CIAO2A: variants seen among roughly 807,000 people sequenced by gnomAD.
The protein encoded by CIAO2A is MIP18 family protein FAM96A.
A neutral mutation model predicts 22.4 loss-of-function variants in CIAO2A; 17 were observed. The ratio of observed to expected loss-of-function variants is 0.76; its 90% CI spans 0.52 to 1.14. The LOEUF is 1.14. Among genes scored for constraint, CIAO2A ranks in the 50% most tolerant of loss-of-function variants. The pLI, the probability that CIAO2A is intolerant of heterozygous loss-of-function variation, is 0.00. For synonymous variants in CIAO2A, 74 were observed against 72.3 expected (o/e 1.02, Z -0.12); for missense variants, 192 against 191.4 (o/e 1.00, Z -0.02).
chr15:64,088,881 A>T, intron 1 of CIAO2A, 30 bp from the exon 2 acceptor site: 1 of 1,581,422 alleles, frequency 6.3e-7, no homozygotes, highest in Non-Finnish European at 8.6e-7. Flanking sequence ...AAGATATTCT[A>T]TTAAAACATG....
At chr15:64,078,807 A>G (rs2080739740) in intron 3 of CIAO2A, among the ~76,000 whole-genome samples, 1 of 152,182 alleles carries the variant, frequency 6.6e-6, no homozygotes, top group South Asian at 2.1e-4. Flanking sequence ...ACTTTGGGAA[A>G]CCAAGGCGGG....
intron 1 of CIAO2A, among the ~76,000 whole-genome samples, chr15:64,092,063 CAAA>C (rs35475525): frequency 2.8e-4 from 18 of 63,708 alleles, no homozygotes; most frequent in Admixed American, 5.5e-4. Context: ...GACCCTGTCT[CAAA>C]AAAAAAAAAA....
intron 4 of CIAO2A, among the ~76,000 whole-genome samples, chr15:64,073,357 T>C (rs1167940579): frequency 6.6e-6 from 1 of 152,238 alleles, no homozygotes; most frequent in Non-Finnish European, 1.5e-5. Context: ...TACAGGGTTA[T>C]TTAACATGGT....
intron 2 of CIAO2A, among the ~76,000 whole-genome samples, chr15:64,083,827 C>A (rs2080774045): frequency 6.6e-6 from 1 of 151,938 alleles, no homozygotes; most frequent in South Asian, 2.1e-4. Context: ...GCCTATGATC[C>A]CAGCTACTTG....
At position 64,075,939 on chromosome 15, in the gene CIAO2A, G is replaced by A. The variant is rs9921040; in HGVS notation, c.340-402C>T. 7.5e-4 allele frequency among the ~76,000 whole-genome samples: 113 copies of A among 151,420 alleles called. 1 individual carries two copies. Among genetic ancestry groups the A allele is most frequent in the African/African-American group, 2.4e-3 (101 of 41,340 alleles). On this transcript the variant is annotated intron_variant, in intron 3 of 4. Coordinates refer to ENST00000300030, the MANE Select transcript of CIAO2A (RefSeq NM_032231.7). Reference sequence around the variant, plus strand: ...TTCCCAAAGTGTTGGGATTACAGGCGTGAGCCACTGCGCCCAGCGCCCCCC... The same window carrying A: ...TTCCCAAAGTGTTGGGATTACAGGCATGAGCCACTGCGCCCAGCGCCCCCC...
chr15:64,081,208 G>C, intron 2 of CIAO2A, 57 bp from the exon 3 acceptor site: 2 of 1,539,672 alleles, frequency 1.3e-6, no homozygotes, highest in Non-Finnish European at 1.8e-6. Context: ...ATTGGTTCTT[G>C]AAAAAGCATA....
intron 2 of CIAO2A, among the ~76,000 whole-genome samples, chr15:64,084,434 C>T (rs1048575391): frequency 3.9e-5 from 6 of 152,030 alleles, no homozygotes; most frequent in Non-Finnish European, 8.8e-5. Flanking sequence ...AATTATTCCA[C>T]GTATAGGAAT....
chr15:64,075,193 G>T, intron 4 of CIAO2A: 1 of 211,336 alleles, frequency 4.7e-6, no homozygotes, highest in Non-Finnish European at 9.3e-6. Flanking sequence ...TGTCACCAAA[G>T]AAAAGAAGCC....
At chr15:64,088,588 T>C (rs1004522467) in intron 2 of CIAO2A, 99 bp downstream of exon 2, 12 of 960,936 alleles carry the variant, frequency 1.2e-5, no homozygotes, top group African/African-American at 5.0e-5. Flanking sequence ...ATACACTGTA[T>C]GGTTTTTCAA....
At chr15:64,085,493 C>A (rs986176994) in intron 2 of CIAO2A, among the ~76,000 whole-genome samples, 1 of 152,020 alleles carries the variant, frequency 6.6e-6, no homozygotes, top group Admixed American at 6.6e-5. Context: ...CAGAGTGAGA[C>A]CCTGTCTCAA....
chr15:64,080,498 T>C (rs1451710857), intron 3 of CIAO2A, among the ~76,000 whole-genome samples: 29 of 152,088 alleles, frequency 1.9e-4, no homozygotes, highest in Admixed American at 1.7e-3. Flanking sequence ...CTGACCAATA[T>C]GGTGAAACCC....
intron 2 of CIAO2A, among the ~76,000 whole-genome samples, chr15:64,083,219 T>A (rs1360043162): frequency 6.6e-6 from 1 of 151,470 alleles, no homozygotes; most frequent in Non-Finnish European, 1.5e-5. Flanking sequence ...TAGTATAAAA[T>A]ATTACTATTT....
At chr15:64,088,373 A>G (rs2080813827) in intron 2 of CIAO2A, among the ~76,000 whole-genome samples, 1 of 152,210 alleles carries the variant, frequency 6.6e-6, no homozygotes, top group African/African-American at 2.4e-5. Flanking sequence ...TAACTAAAGG[A>G]GAAGTGGAGT....
intron 3 of CIAO2A, among the ~76,000 whole-genome samples, chr15:64,079,517 C>G (rs546664996): frequency 3.3e-5 from 5 of 152,146 alleles, no homozygotes; most frequent in African/African-American, 9.7e-5. Context: ...CAGAGCAAGA[C>G]CCTGTCTCAA....
At chr15:64,075,013 T>C (rs1229559521) in intron 4 of CIAO2A, 1 of 152,318 alleles carries the variant, frequency 6.6e-6, no homozygotes, top group Non-Finnish European at 1.5e-5. Context: ...ACTTCTGCTA[T>C]TTTTAAGTAG....
At chr15:64,084,299 C>G (rs916910913) in intron 2 of CIAO2A, among the ~76,000 whole-genome samples, 1 of 152,122 alleles carries the variant, frequency 6.6e-6, no homozygotes, top group Non-Finnish European at 1.5e-5. Context: ...TGGGCCACCA[C>G]GTCTGGCGAA....
chr15:64,084,756 T>G (rs953706463), intron 2 of CIAO2A, among the ~76,000 whole-genome samples: 1 of 148,364 alleles, frequency 6.7e-6, no homozygotes, highest in African/African-American at 2.5e-5. Context: ...GCAACAAGAG[T>G]GAAACTCCGT....
At chr15:64,079,640 T>C (rs1054581489) in intron 3 of CIAO2A, among the ~76,000 whole-genome samples, 4 of 152,322 alleles carry the variant, frequency 2.6e-5, no homozygotes, top group Middle Eastern at 3.4e-3. Context: ...AGAGAAGGCA[T>C]AATTGCCCAG....
At position 64,075,599 on chromosome 15, in the gene CIAO2A, A is replaced by C. The variant is rs2080711469; in HGVS notation, c.340-62T>G. The C allele has an allele frequency of 4.7e-6, 5 of 1,057,458 alleles. No individual in the cohort carries two copies. The East Asian group carries it at 1.2e-4, about 26-fold the overall frequency. 65.5% of individuals were successfully genotyped at this position (1,057,458 alleles called of 1,614,324 possible). On this transcript the variant is annotated intron_variant, in intron 3 of 4. Coordinates refer to ENST00000300030, the MANE Select transcript of CIAO2A (RefSeq NM_032231.7). ...AATGCATTCTAAGATAAGAGAGTGA[A>C]GTGGAATGTACAGTAAATTCAAACA...
Sources: allele counts gnomAD v4.1 joint callset (sites outside exome capture counted in the v4.1 genomes callset), GRCh38; gene constraint gnomAD v4.1.1; transcripts MANE v1.5; gene names NCBI Gene and HGNC (gene_info 2026-07-23, HGNC 2026-07-21).